LRRC37A2: variants seen among roughly 807,000 people sequenced by gnomAD.
LRRC37A2 encodes leucine rich repeat containing 37 member A2, also known as leucine-rich repeat-containing protein 37A2.
In LRRC37A2, 9 loss-of-function variants were observed where a neutral mutation model predicts 68.8. The observed-to-expected ratio is 0.13, with a 90% confidence interval of 0.08 to 0.23. The LOEUF (loss-of-function observed/expected upper bound fraction) is 0.23. LRRC37A2 is among the 10% of genes least tolerant of loss of function. The pLI, the probability that LRRC37A2 is intolerant of heterozygous loss-of-function variation, is 1.00. For synonymous variants in LRRC37A2, 63 were observed against 367.6 expected, an observed-to-expected ratio of 0.17 and a Z score of 9.48; for missense variants, 168 against 950.4, an observed-to-expected ratio of 0.18 and a Z score of 10.82.
At chr17:46,788,566 A>G in the LRRC37A2 span, among the ~76,000 whole-genome samples, 1 of 152,150 alleles carries the variant, frequency 6.6e-6, no homozygotes, top group Non-Finnish European at 1.5e-5. Context: ...TCCAATTCAA[A>G]TTGTTCCCTC....
chr17:46,885,283 G>A, the LRRC37A2 span: 18 of 269,468 alleles, frequency 6.7e-5, no homozygotes, highest in East Asian at 1.5e-4. Flanking sequence ...TGGGATTACC[G>A]GTGTGAGCCA....
the LRRC37A2 span, chr17:47,019,670 A>C: frequency 7.1e-7 from 1 of 1,401,000 alleles, no homozygotes; most frequent in Non-Finnish European, 1.0e-6. Flanking sequence ...AGGCCTCCAC[A>C]AGCACCAACA....
the LRRC37A2 span, among the ~76,000 whole-genome samples, chr17:46,900,217 A>ACT: frequency 4.2e-4 from 55 of 131,666 alleles, 1 homozygote; most frequent in Admixed American, 2.9e-4. Context: ...ACACACACAC[A>ACT]CACATATATA....
the LRRC37A2 span, among the ~76,000 whole-genome samples, chr17:46,858,677 A>G: frequency 0.025 from 3,734 of 152,166 alleles, 155 homozygotes; most frequent in African/African-American, 0.085. Flanking sequence ...TTCCTCCAGA[A>G]CCATGTAGGA....
At chr17:46,816,123 A>ACACGCACG in the LRRC37A2 span, among the ~76,000 whole-genome samples, 3 of 148,070 alleles carry the variant, frequency 2.0e-5, no homozygotes, top group Non-Finnish European at 3.0e-5. Flanking sequence ...ACACACACAC[A>ACACGCACG]CACACACTCA....
At chr17:46,977,198 G>A in the LRRC37A2 span, among the ~76,000 whole-genome samples, 25,700 of 152,170 alleles carry the variant, frequency 0.17, 2,427 homozygotes, top group East Asian at 0.24. Context: ...CAAATACACG[G>A]GATCGCATTC....
At chr17:46,980,741 G>A in the LRRC37A2 span, among the ~76,000 whole-genome samples, 4 of 151,358 alleles carry the variant, frequency 2.6e-5, no homozygotes, top group African/African-American at 9.7e-5. Context: ...GCTGAGGCAG[G>A]AGAATGGCGT....
the LRRC37A2 span, chr17:46,937,216 G>A: frequency 6.6e-6 from 1 of 152,080 alleles, no homozygotes. Context: ...TCTATAGAAG[G>A]GTTTTAGGTC....
the LRRC37A2 span, among the ~76,000 whole-genome samples, chr17:46,598,723 G>A: frequency 6.6e-6 from 1 of 152,160 alleles, no homozygotes; most frequent in Non-Finnish European, 1.5e-5. Context: ...TAGAAACCTA[G>A]TCATTTATAA....
chr17:46,827,831 G>A, the LRRC37A2 span, among the ~76,000 whole-genome samples: 1 of 147,598 alleles, frequency 6.8e-6, no homozygotes, highest in Non-Finnish European at 1.5e-5. Flanking sequence ...TTTTTTTGAG[G>A]CAGAGTCTTG....
chr17:46,916,934 C>T, the LRRC37A2 span: 1 of 152,136 alleles, frequency 6.6e-6, no homozygotes, highest in African/African-American at 2.4e-5. Flanking sequence ...GGAGTCCACT[C>T]CTGTAGTAAC....
chr17:46,818,475 G>T, the LRRC37A2 span: 1 of 1,568,900 alleles, frequency 6.4e-7, no homozygotes, highest in Non-Finnish European at 8.6e-7. Context: ...CCCCGGACGC[G>T]GCGGAGAAAC....
At chr17:46,935,760 G>A in the LRRC37A2 span, 3 of 987,010 alleles carry the variant, frequency 3.0e-6, no homozygotes, top group Non-Finnish European at 1.2e-6. Context: ...TGACCAGTTG[G>A]CACTGCTGAG....
At chr17:46,872,651 A>G in the LRRC37A2 span, 2 of 1,613,556 alleles carry the variant, frequency 1.2e-6, no homozygotes, top group Non-Finnish European at 1.7e-6. Context: ...TGCCGGAGGG[A>G]GCCCGGCCTG....
the LRRC37A2 span, among the ~76,000 whole-genome samples, chr17:46,987,065 G>C: frequency 1.3e-5 from 2 of 152,074 alleles, no homozygotes; most frequent in East Asian, 3.9e-4. Flanking sequence ...GGCTGACACG[G>C]TGGCCCGTCT....
At chr17:46,981,712 T>C in the LRRC37A2 span, among the ~76,000 whole-genome samples, 1 of 152,146 alleles carries the variant, frequency 6.6e-6, no homozygotes, top group Non-Finnish European at 1.5e-5. Context: ...TTTTATTTAT[T>C]TATTTTTATT....
the LRRC37A2 span, among the ~76,000 whole-genome samples, chr17:46,752,527 C>T: frequency 6.6e-6 from 1 of 152,182 alleles, no homozygotes; most frequent in Non-Finnish European, 1.5e-5. Flanking sequence ...ATGATCATGG[C>T]TTACTGCAGT....
At chr17:46,981,206 A>G in the LRRC37A2 span, among the ~76,000 whole-genome samples, 1 of 152,212 alleles carries the variant, frequency 6.6e-6, no homozygotes, top group Non-Finnish European at 1.5e-5. Flanking sequence ...GGGATTCGGG[A>G]TGCCCCAACA....
At chr17:46,759,677 G>A in the LRRC37A2 span, among the ~76,000 whole-genome samples, 1 of 152,132 alleles carries the variant, frequency 6.6e-6, no homozygotes, top group Non-Finnish European at 1.5e-5. Flanking sequence ...CAGGGGAGAC[G>A]GCATTAGGTA....
Sources: allele counts gnomAD v4.1 joint callset (sites outside exome capture counted in the v4.1 genomes callset), GRCh38; gene constraint gnomAD v4.1.1; transcripts MANE v1.5; gene names NCBI Gene and HGNC (gene_info 2026-07-23, HGNC 2026-07-21).